LGR4: variants seen among roughly 807,000 people sequenced by gnomAD.
The protein encoded by LGR4 is leucine rich repeat containing G protein-coupled receptor 4.
A neutral mutation model predicts 84.8 loss-of-function variants in LGR4; 44 were observed. The ratio of observed to expected loss-of-function variants is 0.52; its 90% CI spans 0.41 to 0.67. The LOEUF is 0.67. Ranked by LOEUF, LGR4 falls within the 30% of genes least tolerant of loss-of-function variation. LGR4 has a pLI of 0.00. For missense variants in LGR4, 1,032 were observed against 1,131.4 expected (o/e 0.91, Z 1.26); for synonymous variants, 429 against 434.3 (o/e 0.99, Z 0.15).
chr11:27,373,873 A>G, intron 14 of LGR4, 102 bp downstream of exon 14: 1 of 1,049,380 alleles, frequency 9.5e-7, no homozygotes, highest in Non-Finnish European at 1.5e-6. Flanking sequence ...ATACAAGGGA[A>G]TAACTAAACA....
intron 1 of LGR4, among the ~76,000 whole-genome samples, chr11:27,444,784 G>C (rs1370782864): frequency 6.6e-6 from 1 of 152,076 alleles, no homozygotes; most frequent in Non-Finnish European, 1.5e-5. Context: ...ATCTTTCCGG[G>C]TTTTAGACTG....
chr11:27,459,637 T>C (rs575255172), intron 1 of LGR4, among the ~76,000 whole-genome samples: 1 of 151,938 alleles, frequency 6.6e-6, no homozygotes, highest in Admixed American at 6.6e-5. Context: ...CCACTGCACC[T>C]GCCTAATTTT....
chr11:27,394,824 T>G (rs767564253), intron 2 of LGR4, among the ~76,000 whole-genome samples: 1 of 152,102 alleles, frequency 6.6e-6, no homozygotes, highest in Non-Finnish European at 1.5e-5. Context: ...TACCGTCTAC[T>G]GGTTGTTTCT....
chr11:27,415,213 A>AT (rs1470671270), intron 1 of LGR4, among the ~76,000 whole-genome samples: 1 of 152,172 alleles, frequency 6.6e-6, no homozygotes, highest in Admixed American at 6.5e-5. Context: ...AGTCATTCTA[A>AT]TAAAAAGAGG....
intron 2 of LGR4, among the ~76,000 whole-genome samples, chr11:27,402,280 A>C (rs1041972372): frequency 6.6e-6 from 1 of 152,170 alleles, no homozygotes; most frequent in Non-Finnish European, 1.5e-5. Flanking sequence ...TCTGAGAAAG[A>C]CAGCTCTACT....
intron 1 of LGR4, among the ~76,000 whole-genome samples, chr11:27,453,068 G>A (rs1018297408): frequency 4.0e-5 from 6 of 151,394 alleles, no homozygotes; most frequent in Non-Finnish European, 8.8e-5. Flanking sequence ...CTATGGGGTA[G>A]GGAGAAACCT....
At chr11:27,412,982 C>G in intron 1 of LGR4, 122 bp from the exon 2 acceptor site, 2 of 674,942 alleles carry the variant, frequency 3.0e-6, no homozygotes, top group South Asian at 3.5e-5. Context: ...CACATAGAAA[C>G]AGTCACAATT....
intron 3 of LGR4, 93 bp from the exon 4 acceptor site, chr11:27,391,258 A>G (rs936025144): frequency 6.3e-6 from 4 of 630,952 alleles, no homozygotes; most frequent in Non-Finnish European, 1.1e-5. Context: ...TTTTCAAAAA[A>G]TATTTCCAAT....
chr11:27,375,492 G>A (rs1862960027), intron 13 of LGR4, among the ~76,000 whole-genome samples: 1 of 152,038 alleles, frequency 6.6e-6, no homozygotes, highest in South Asian at 2.1e-4. Flanking sequence ...GTGCTTCTGT[G>A]GCTTATGAAC....
chr11:27,380,753 CA>C (rs1286931604), intron 8 of LGR4, 42 bp from the exon 9 acceptor site: 1 of 1,369,240 alleles, frequency 7.3e-7, no homozygotes, highest in Non-Finnish European at 1.0e-6. Flanking sequence ...CATATGTTCA[CA>C]AGCACTCTAA....
chr11:27,434,737 C>T (rs774416533), intron 1 of LGR4, among the ~76,000 whole-genome samples: 15 of 152,042 alleles, frequency 9.9e-5, no homozygotes, highest in Non-Finnish European at 1.6e-4. Context: ...CCCTGAAATA[C>T]CACACAACTG....
intron 1 of LGR4, among the ~76,000 whole-genome samples, chr11:27,429,438 G>C (rs1404851745): frequency 6.6e-6 from 1 of 151,606 alleles, no homozygotes; most frequent in East Asian, 2.0e-4. Flanking sequence ...GGCTGAGATC[G>C]CGCTACTGCA....
At position 27,374,039 on chromosome 11, in the gene LGR4, T is replaced by C; in HGVS notation, c.1189A>G (p.Ser397Gly). 5 of 1,608,368 alleles carry C rather than the reference T, an allele frequency of 3.1e-6. No individual in the cohort carries two copies. The highest frequency in any genetic ancestry group is 4.3e-6 in the Non-Finnish European group (5 of 1,174,960). Residue 397 changes from serine to glycine, a missense_variant, in exon 14 of 18, where the codon AGT (serine) becomes GGT (glycine). Ser to Gly is a moderately conservative substitution (Grantham distance 56). Transcript: ENST00000379214. ...GLISLRILDL[S>G]RNLIHEIHSR... ...TGAATTTCATGTATCAGGTTTCTAC[T>C]CAGATCTCTGCAATTATAAGAGTAA... is the stretch of plus-strand genomic sequence containing the variant.
At chr11:27,429,973 A>G (rs1381971214) in intron 1 of LGR4, among the ~76,000 whole-genome samples, 1 of 152,116 alleles carries the variant, frequency 6.6e-6, no homozygotes, top group Non-Finnish European at 1.5e-5. Flanking sequence ...AGGTGGGGCT[A>G]CCAGCTGACC....
intron 1 of LGR4, among the ~76,000 whole-genome samples, chr11:27,442,714 C>T (rs140596399): frequency 0.02 from 2,979 of 152,230 alleles, 80 homozygotes; most frequent in African/African-American, 0.064. Flanking sequence ...ATGTTCTTCA[C>T]ATTATACACA....
rs1452952330 is a variant in LGR4 at position 27,472,208 on chromosome 11, G to A, written c.95C>T (p.Pro32Leu). The A allele has an allele frequency of 1.4e-6, 2 of 1,390,466 alleles. No homozygotes were observed. The highest frequency in any genetic ancestry group is 1.9e-6 in the Non-Finnish European group (2 of 1,072,358). 86.1% of individuals were successfully genotyped at this position (1,390,466 alleles called of 1,614,324 possible). A position where few individuals can be genotyped will look rare whatever the true frequency, so the allele number is the denominator to read the frequency against. The change falls in exon 1 of 18, where the codon CCC becomes CTC. Residue 32 changes from proline (P) to leucine (L), a missense_variant. By Grantham distance (98) the Pro-to-Leu change is moderately conservative. Transcript: ENST00000379214. ...CCGACGGTCGCCGTCGCAGCTGCAG[G>A]GCGCCGCGCAGAGAGGCGGCGCCGC... ...SGAAPPLCAA[P>L]CSCDGDRRVD... is the part of the protein sequence containing the mutation.
At chr11:27,418,901 C>A (rs1863874135) in intron 1 of LGR4, among the ~76,000 whole-genome samples, 1 of 147,224 alleles carries the variant, frequency 6.8e-6, no homozygotes, top group African/African-American at 2.5e-5. Flanking sequence ...GTGGCACAAT[C>A]ATGGCTCACT....
chr11:27,417,409 T>G (rs956608659), intron 1 of LGR4, among the ~76,000 whole-genome samples: 2 of 152,074 alleles, frequency 1.3e-5, no homozygotes, highest in African/African-American at 4.8e-5. Flanking sequence ...CAGGCCAATC[T>G]CCAGTTAACG....
chr11:27,368,773 T>C lies in LGR4; in HGVS notation c.1950A>G (p.Ile650Met). 2 of 1,614,036 alleles carry C rather than the reference T, an allele frequency of 1.2e-6. No homozygotes were observed. The highest frequency in any genetic ancestry group is 1.7e-6 in the Non-Finnish European group (2 of 1,179,988). ...TVERSLSAKD[I>M]MKNGKSNHLK... The stretch of plus-strand genomic sequence containing the variant: ...GATGATTGCTCTTCCCATTTTTCAT[T>C]ATATCTTTTGCAGATAAGCTTCTTT... The change falls in exon 18 of 18, where the codon ATA becomes ATG. Residue 650 changes from isoleucine (I) to methionine (M), a missense_variant. Ile to Met is a conservative substitution (Grantham distance 10). Coordinates refer to ENST00000379214, the MANE Select transcript of LGR4 (RefSeq NM_018490.5).
Sources: gnomAD v4.1 joint callset for allele counts (sites outside exome capture counted in the v4.1 genomes callset) on GRCh38, gnomAD v4.1.1 for gene constraint, MANE v1.5 for transcripts, NCBI Gene and HGNC (gene_info 2026-07-23, HGNC 2026-07-21) for gene names.